PAN3: variants seen among roughly 807,000 people sequenced by gnomAD.
The protein encoded by PAN3 is poly(A) specific ribonuclease subunit PAN3.
In PAN3, 19 loss-of-function variants were observed where a neutral mutation model predicts 96.2. That is an observed-to-expected ratio of 0.20 (90% confidence interval 0.14 to 0.29). The LOEUF is 0.29. Among genes scored for constraint, PAN3 ranks in the 10% least tolerant of loss-of-function variants. PAN3 has a pLI of 1.00. For missense variants in PAN3, 882 were observed against 1,108.1 expected (o/e 0.80, Z 2.90); for synonymous variants, 433 against 406.6 (o/e 1.06, Z -0.78).
Position 28,209,021 on chromosome 13 carries a change from G to T in PAN3, c.853-11210G>T, listed in dbSNP as rs556567834. 3.3e-5 allele frequency among the ~76,000 whole-genome samples: 5 copies of T among 152,176 alleles called. No individual in the cohort carries two copies. In the South Asian group the frequency reaches 1.0e-3, roughly 32 times the overall value. ...ATACCAAAATACTGGGGTGCTTAAG[G>T]CATAATATTTGCATATAACCTATGT... On this transcript the variant is annotated intron_variant, in intron 5 of 18. Coordinates refer to ENST00000380958, the MANE Select transcript of PAN3 (RefSeq NM_175854.8).
chr13:28,238,308 A>G (rs137871649), intron 6 of PAN3, among the ~76,000 whole-genome samples: 119 of 152,344 alleles, frequency 7.8e-4, no homozygotes, highest in African/African-American at 2.6e-3. Flanking sequence ...GGCATTATAC[A>G]ATGGGTGTTT....
chr13:28,167,108 G>A (rs1402370295), intron 1 of PAN3, among the ~76,000 whole-genome samples: 1 of 119,612 alleles, frequency 8.4e-6, no homozygotes, highest in East Asian at 2.7e-4. Flanking sequence ...TTTTTTTAGA[G>A]ATGAGGCCTC....
intron 5 of PAN3, chr13:28,216,044 G>T: frequency 1.9e-6 from 1 of 518,380 alleles, no homozygotes; most frequent in Non-Finnish European, 3.4e-6. Context: ...AAGGAAAGGA[G>T]AATGTTTTGT....
chr13:28,269,606 A>T (rs532988544), intron 12 of PAN3, among the ~76,000 whole-genome samples: 1 of 151,116 alleles, frequency 6.6e-6, no homozygotes, highest in South Asian at 2.1e-4. Flanking sequence ...AGTAAGCACT[A>T]TATGTTTGCT....
At chr13:28,227,619 A>G (rs1455834510) in intron 6 of PAN3, among the ~76,000 whole-genome samples, 1 of 152,204 alleles carries the variant, frequency 6.6e-6, no homozygotes, top group Non-Finnish European at 1.5e-5. Flanking sequence ...AGGTAATAGT[A>G]GATGATTTTA....
intron 17 of PAN3, among the ~76,000 whole-genome samples, chr13:28,282,228 C>T (rs564258105): frequency 2.6e-4 from 39 of 152,132 alleles, no homozygotes; most frequent in Non-Finnish European, 4.9e-4. Flanking sequence ...CTGTCAAAGA[C>T]AGGTAGAACA....
At chr13:28,278,024 A>G (rs1383081381) in intron 15 of PAN3, among the ~76,000 whole-genome samples, 2 of 152,274 alleles carry the variant, frequency 1.3e-5, no homozygotes, top group Non-Finnish European at 2.9e-5. Context: ...CGTAAGATAT[A>G]GCTACTATTG....
At chr13:28,191,672 C>T (rs941313304) in intron 4 of PAN3, among the ~76,000 whole-genome samples, 1 of 152,238 alleles carries the variant, frequency 6.6e-6, no homozygotes, top group Non-Finnish European at 1.5e-5. Context: ...CACACTGCCA[C>T]AGACCTTCCT....
At chr13:28,272,299 C>G (rs1358375349) in intron 14 of PAN3, 1 of 323,580 alleles carries the variant, frequency 3.1e-6, no homozygotes, top group Non-Finnish European at 5.6e-6. Flanking sequence ...TTGCTTCTGT[C>G]TTGCTCTGTC....
At chr13:28,220,175 C>T (rs767598680) in intron 5 of PAN3, 56 bp from the exon 6 acceptor site, 1 of 1,525,744 alleles carries the variant, frequency 6.6e-7, no homozygotes. Context: ...CTAGTAGATT[C>T]AATGTCTTTT....
At chr13:28,168,935 A>G (rs1027181696) in intron 1 of PAN3, among the ~76,000 whole-genome samples, 1 of 149,726 alleles carries the variant, frequency 6.7e-6, no homozygotes, top group East Asian at 2.1e-4. Flanking sequence ...GGAGAATGGC[A>G]TGAACCCGGG....
intron 6 of PAN3, among the ~76,000 whole-genome samples, chr13:28,243,811 C>A (rs983012895): frequency 6.6e-6 from 1 of 152,150 alleles, no homozygotes; most frequent in Non-Finnish European, 1.5e-5. Flanking sequence ...GCCTCAGCCT[C>A]CTGAGTAGCT....
chr13:28,165,963 A>T (rs1468780157), intron 1 of PAN3, among the ~76,000 whole-genome samples: 1 of 152,226 alleles, frequency 6.6e-6, no homozygotes, highest in Non-Finnish European at 1.5e-5. Context: ...TCACATTGAT[A>T]AGTTTCAACA....
intron 15 of PAN3, among the ~76,000 whole-genome samples, chr13:28,278,708 ATAAAT>A (rs1272156576): frequency 2.0e-5 from 3 of 152,120 alleles, no homozygotes; most frequent in African/African-American, 7.2e-5. Flanking sequence ...CAATAACTCT[ATAAAT>A]TAGATACCAT....
chr13:28,140,498 G>A (rs1308975144), intron 1 of PAN3, among the ~76,000 whole-genome samples: 7 of 152,156 alleles, frequency 4.6e-5, no homozygotes, highest in African/African-American at 1.7e-4. Context: ...GGAAGTTTTA[G>A]CATTTAATTG....
At chr13:28,260,636 C>A in intron 8 of PAN3, 85 bp downstream of exon 8, 2 of 1,102,982 alleles carry the variant, frequency 1.8e-6, no homozygotes, top group African/African-American at 1.6e-5. Context: ...CTTTTCAAAT[C>A]ATATTATTTA....
chr13:28,168,716 T>TA (rs1399235225), intron 1 of PAN3, among the ~76,000 whole-genome samples: 8 of 139,716 alleles, frequency 5.7e-5, no homozygotes, highest in Admixed American at 4.3e-4. Flanking sequence ...GAGACTCTCT[T>TA]AAAAAAAAGA....
chr13:28,256,248 AC>A, intron 6 of PAN3, 43 bp from the exon 7 acceptor site: 1 of 1,573,808 alleles, frequency 6.4e-7, no homozygotes, highest in Non-Finnish European at 8.6e-7. Context: ...GTTCTCTAAA[AC>A]CAATTATTGC....
intron 18 of PAN3, among the ~76,000 whole-genome samples, chr13:28,290,762 A>G (rs920146360): frequency 8.1e-5 from 12 of 147,948 alleles, no homozygotes; most frequent in Non-Finnish European, 1.7e-4. Context: ...TTTTCCCTTT[A>G]TTTATGTTAG....
Sources: allele counts gnomAD v4.1 joint callset (sites outside exome capture counted in the v4.1 genomes callset), GRCh38; gene constraint gnomAD v4.1.1; transcripts MANE v1.5; gene names NCBI Gene and HGNC (gene_info 2026-07-23, HGNC 2026-07-21).